The following MALRD1 variants were observed in gnomAD, a reference collection of about 807,000 sequenced individuals.
MALRD1 encodes the protein MAM and LDL receptor class A domain containing 1.
In MALRD1, 247 loss-of-function variants were observed where a neutral mutation model predicts 242.1. The observed-to-expected ratio is 1.02, with a 90% CI of 0.92 to 1.13. MALRD1 has a LOEUF of 1.13. Ranked by LOEUF, MALRD1 falls within the 50% of genes most tolerant of loss-of-function variation. MALRD1 has a pLI of 0.00. For missense variants in MALRD1, 2,989 were observed against 2,533.1 expected (o/e 1.18, Z -3.86); for synonymous variants, 995 against 866.6 (o/e 1.15, Z -2.60).
chr10:19,572,065 TCTTTC>T, intron 33 of MALRD1, among the ~76,000 whole-genome samples: 1 of 152,206 alleles, frequency 6.6e-6, no homozygotes, highest in African/African-American at 2.4e-5. Flanking sequence ...CCTGCAGTTT[TCTTTC>T]CATGTAGAAG....
chr10:19,572,262 C>T (rs2131476405), intron 33 of MALRD1, among the ~76,000 whole-genome samples: 1 of 152,284 alleles, frequency 6.6e-6, no homozygotes, highest in East Asian at 1.9e-4. Flanking sequence ...ATTTGTATTG[C>T]ATCTGTTTTC....
At chr10:19,383,362 T>C (rs557416802) in intron 26 of MALRD1, among the ~76,000 whole-genome samples, 3 of 152,290 alleles carry the variant, frequency 2.0e-5, no homozygotes, top group South Asian at 2.1e-4. Flanking sequence ...TCCACCCATG[T>C]TTCTGCAAAT....
chr10:19,312,076 G>A (rs1280101676), intron 21 of MALRD1, among the ~76,000 whole-genome samples: 2 of 151,108 alleles, frequency 1.3e-5, no homozygotes, highest in African/African-American at 4.8e-5. Context: ...GCAATGTAAA[G>A]GTCAAAGAAT....
At position 19,393,485 on chromosome 10, in the gene MALRD1, A is replaced by G. The variant is rs1383828561; in HGVS notation, c.4845+3876A>G. 5.5e-5 allele frequency among the ~76,000 whole-genome samples: 7 copies of G among 127,006 alleles called. No homozygotes were observed. In the South Asian group the frequency reaches 7.0e-4, roughly 13 times the overall value. 83.3% of individuals were successfully genotyped at this position (127,006 alleles called of 152,430 possible). On this transcript the variant is annotated intron_variant, in intron 28 of 39. Transcript: ENST00000454679. ...TTTTGAGACCGAGTCTCGCTCTGTC[A>G]CCCAGGCTGGAGTGCAGTGGTGTGA...
chr10:19,672,608 G>C (rs908520497), intron 36 of MALRD1, among the ~76,000 whole-genome samples: 9 of 151,828 alleles, frequency 5.9e-5, no homozygotes, highest in African/African-American at 1.9e-4. Context: ...ATTTTTAGTA[G>C]AGAAGGGGTT....
Position 19,389,533 on chromosome 10 carries a change from C to T in MALRD1, c.4769C>T (p.Ser1590Phe), listed in dbSNP as rs1280445767. 6.4e-7 allele frequency: 1 copy of T among 1,550,656 alleles called. No homozygotes were observed. Among genetic ancestry groups the T allele is most frequent in the Non-Finnish European group, 8.7e-7 (1 of 1,146,942 alleles). Residue 1590 changes from serine (S) to phenylalanine (F), a missense_variant, in exon 28 of 40, where the codon TCC (serine) becomes TTC (phenylalanine). Coordinates refer to ENST00000454679, the MANE Select transcript of MALRD1 (RefSeq NM_001142308.3). ...AHFRSTMWRESSAACTMSFWY... is the reference protein window; with the variant it reads ...AHFRSTMWREFSAACTMSFWY... ...TTCAGGAGTACCATGTGGCGAGAATCCAGTGCAGCCTGCACCATGAGCTTC... is the reference window on the plus strand; with the variant it reads ...TTCAGGAGTACCATGTGGCGAGAATTCAGTGCAGCCTGCACCATGAGCTTC...
intron 13 of MALRD1, among the ~76,000 whole-genome samples, chr10:19,171,422 T>TTTTATA (rs1159904055): frequency 1.4e-4 from 5 of 36,274 alleles, no homozygotes; most frequent in African/African-American, 3.1e-4. Flanking sequence ...ATTTTATATT[T>TTTTATA]TATATACATA....
Position 19,327,556 on chromosome 10 carries a change from T to C in MALRD1, c.3577-7T>C. 1.9e-6 allele frequency: 3 copies of C among 1,543,060 alleles called. No individual in the cohort carries two copies. The East Asian group carries it at 7.3e-5, about 38-fold the overall frequency. On this transcript the variant is annotated splice_polypyrimidine_tract_variant and splice_region_variant and intron_variant, in intron 22 of 39. Transcript: ENST00000454679. The stretch of plus-strand genomic sequence containing the variant: ...TTCAGTGCCTTTTACTTGATTTATC[T>C]CTATAGGTGCTCATCAAGAAAGATA...
At chr10:19,511,232 T>G (rs1833388056) in intron 31 of MALRD1, among the ~76,000 whole-genome samples, 1 of 152,184 alleles carries the variant, frequency 6.6e-6, no homozygotes, top group African/African-American at 2.4e-5. Flanking sequence ...TTCCAGTTGA[T>G]TATGGAGTGA....
chr10:19,328,338 A>G (rs1236344859), intron 23 of MALRD1, among the ~76,000 whole-genome samples: 2 of 152,180 alleles, frequency 1.3e-5, no homozygotes, highest in Non-Finnish European at 2.9e-5. Flanking sequence ...TTCTCAGAAG[A>G]TGAGGCTTAG....
chr10:19,701,312 C>T lies in MALRD1; in HGVS notation c.6314+8758C>T, dbSNP rs74119735. ...CTCTCAGGTCTTCAGATCCTCAGAT[C>T]CTTACTCTCAGGCCTCAGTGACCTC... On this transcript the variant is annotated intron_variant, in intron 38 of 39. Coordinates refer to ENST00000454679, the MANE Select transcript of MALRD1 (RefSeq NM_001142308.3). Among the ~76,000 whole-genome samples the T allele has an allele frequency of 2.7e-3, 409 of 152,188 alleles. 4 individuals are homozygous for T. The highest frequency in any genetic ancestry group is 9.7e-3 in the African/African-American group (402 of 41,510).
chr10:19,308,582 T>G (rs1351150515), intron 21 of MALRD1, among the ~76,000 whole-genome samples: 2 of 151,542 alleles, frequency 1.3e-5, no homozygotes, highest in Non-Finnish European at 3.0e-5. Context: ...GAAGATATCA[T>G]AATTCTCTAT....
intron 38 of MALRD1, among the ~76,000 whole-genome samples, chr10:19,709,879 T>A (rs1038410952): frequency 1.1e-4 from 17 of 152,214 alleles, no homozygotes; most frequent in African/African-American, 3.9e-4. Flanking sequence ...GGCTCATTTG[T>A]TGTAATTGTA....
At chr10:19,624,744 T>C (rs1262501567) in intron 36 of MALRD1, among the ~76,000 whole-genome samples, 1 of 151,856 alleles carries the variant, frequency 6.6e-6, no homozygotes, top group African/African-American at 2.4e-5. Flanking sequence ...CACATGCCTG[T>C]AATTTTAGCT....
At chr10:19,546,364 C>T (rs753911181) in intron 32 of MALRD1, among the ~76,000 whole-genome samples, 1 of 152,132 alleles carries the variant, frequency 6.6e-6, no homozygotes, top group African/African-American at 2.4e-5. Flanking sequence ...AGGAGGTACA[C>T]GTATTTTTAT....
At chr10:19,451,366 C>A (rs1300163851) in intron 29 of MALRD1, among the ~76,000 whole-genome samples, 2 of 151,984 alleles carry the variant, frequency 1.3e-5, no homozygotes, top group African/African-American at 4.8e-5. Context: ...AAAAAAGTAC[C>A]GCCATTTATC....
At chr10:19,074,468 A>G (rs1835256055) in intron 2 of MALRD1, among the ~76,000 whole-genome samples, 2 of 152,092 alleles carry the variant, frequency 1.3e-5, no homozygotes, top group Admixed American at 6.6e-5. Context: ...GGTGAACTAT[A>G]TGAGATTTTC....
chr10:19,648,184 T>C (rs1398658076), intron 36 of MALRD1, among the ~76,000 whole-genome samples: 4 of 152,078 alleles, frequency 2.6e-5, no homozygotes, highest in Non-Finnish European at 1.5e-5. Context: ...AGAGAAATAC[T>C]AGAGATCAAG....
intron 1 of MALRD1, among the ~76,000 whole-genome samples, chr10:19,052,976 G>T (rs1273083133): frequency 2.0e-5 from 3 of 152,098 alleles, no homozygotes; most frequent in African/African-American, 4.8e-5. Context: ...GCCAGAAGCC[G>T]TCAGGCAAGG....
Sources: allele counts gnomAD v4.1 joint callset (sites outside exome capture counted in the v4.1 genomes callset), GRCh38; gene constraint gnomAD v4.1.1; transcripts MANE v1.5; gene names NCBI Gene and HGNC (gene_info 2026-07-23, HGNC 2026-07-21).